Variants in SORCS1 observed in about 807,000 individuals in gnomAD.
SORCS1 encodes the protein VPS10 domain-containing receptor SorCS1.
A neutral mutation model predicts 146.1 loss-of-function variants in SORCS1; 60 were observed. The ratio of observed to expected loss-of-function variants is 0.41; its 90% confidence interval spans 0.33 to 0.51. The LOEUF is 0.51. Among genes scored for constraint, SORCS1 ranks in the 20% least tolerant of loss-of-function variants. The pLI is 0.21. For synonymous variants in SORCS1, 637 were observed against 584.0 expected, an observed-to-expected ratio of 1.09 and a Z score of -1.31; for missense variants, 1,352 against 1,487.6, an observed-to-expected ratio of 0.91 and a Z score of 1.50.
intron 2 of SORCS1, among the ~76,000 whole-genome samples, chr10:106,880,444 C>G (rs1414324136): frequency 6.6e-6 from 1 of 152,074 alleles, no homozygotes; most frequent in Non-Finnish European, 1.5e-5. Context: ...CATTAAAGGG[C>G]CAATTTTCTA....
rs143859123 is a variant in SORCS1 at position 107,135,345 on chromosome 10, T to C, written c.558+28624A>G. On this transcript the variant is annotated intron_variant, in intron 1 of 25. Coordinates refer to ENST00000263054, the MANE Select transcript of SORCS1 (RefSeq NM_052918.5). Reference sequence around the variant, plus strand: ...GCTTTGCACATAGTACATGCAAAATTAAATGCACTGAAGTATAAAAATGGC... The same window carrying C: ...GCTTTGCACATAGTACATGCAAAATCAAATGCACTGAAGTATAAAAATGGC... 2.6e-3 allele frequency among the ~76,000 whole-genome samples: 393 copies of C among 152,340 alleles called. 3 individuals carry two copies. The highest frequency in any genetic ancestry group is 8.9e-3 in the African/African-American group (372 of 41,570).
chr10:106,711,424 T>C (rs906617953), intron 6 of SORCS1, among the ~76,000 whole-genome samples: 2 of 152,170 alleles, frequency 1.3e-5, no homozygotes, highest in Admixed American at 6.5e-5. Flanking sequence ...AGATTTCTCT[T>C]AAGAAAACTA....
chr10:107,120,311 C>A (rs1966317654), intron 1 of SORCS1, among the ~76,000 whole-genome samples: 1 of 152,056 alleles, frequency 6.6e-6, no homozygotes, highest in African/African-American at 2.4e-5. Context: ...ATGCACATAG[C>A]AGGCAGGTAA....
At chr10:106,962,414 AAG>A (rs1724343633) in intron 1 of SORCS1, among the ~76,000 whole-genome samples, 1 of 148,792 alleles carries the variant, frequency 6.7e-6, no homozygotes, top group Non-Finnish European at 1.5e-5. Context: ...AAAAAAAAAA[AAG>A]AAAGAAAAGA....
At chr10:106,598,188 A>T (rs1281123285) in intron 23 of SORCS1, among the ~76,000 whole-genome samples, 1 of 151,252 alleles carries the variant, frequency 6.6e-6, no homozygotes, top group Non-Finnish European at 1.5e-5. Flanking sequence ...TGTCCTTTAT[A>T]ATGTTGAGGA....
At chr10:106,936,018 A>T (rs1170823274) in intron 2 of SORCS1, among the ~76,000 whole-genome samples, 1 of 152,204 alleles carries the variant, frequency 6.6e-6, no homozygotes, top group East Asian at 1.9e-4. Flanking sequence ...TGATTGGAGC[A>T]TATCTGAATG....
At chr10:106,893,053 C>A (rs1272809866) in intron 2 of SORCS1, among the ~76,000 whole-genome samples, 1 of 151,754 alleles carries the variant, frequency 6.6e-6, no homozygotes, top group African/African-American at 2.4e-5. Context: ...CGCCACCACG[C>A]CCAGCTAGTT....
intron 24 of SORCS1, among the ~76,000 whole-genome samples, chr10:106,585,145 A>G (rs923216212): frequency 1.3e-4 from 19 of 151,044 alleles, no homozygotes; most frequent in African/African-American, 4.6e-4. Flanking sequence ...AATGGCATGA[A>G]CCCGGGAGGT....
At chr10:107,039,282 C>T (rs142017404) in intron 1 of SORCS1, among the ~76,000 whole-genome samples, 32 of 145,030 alleles carry the variant, frequency 2.2e-4, no homozygotes, top group African/African-American at 4.3e-4. Flanking sequence ...GAGCGTAGAT[C>T]GCGTCACTGC....
intron 3 of SORCS1, among the ~76,000 whole-genome samples, chr10:106,797,171 T>C (rs1332226328): frequency 6.6e-6 from 1 of 152,148 alleles, no homozygotes; most frequent in African/African-American, 2.4e-5. Context: ...AACCACTTTT[T>C]TACTTATCTT....
At chr10:107,172,972 A>T in the SORCS1 span, among the ~76,000 whole-genome samples, 1 of 152,192 alleles carries the variant, frequency 6.6e-6, no homozygotes, top group Non-Finnish European at 1.5e-5. Context: ...ACCCACATCC[A>T]TAAGACTGTC....
At chr10:107,036,304 G>A (rs1958903085) in intron 1 of SORCS1, among the ~76,000 whole-genome samples, 1 of 152,092 alleles carries the variant, frequency 6.6e-6, no homozygotes, top group Non-Finnish European at 1.5e-5. Flanking sequence ...AATGTAATGT[G>A]TATAGGTTTT....
intron 6 of SORCS1, among the ~76,000 whole-genome samples, chr10:106,711,254 T>C (rs1337514633): frequency 6.6e-6 from 1 of 152,196 alleles, no homozygotes; most frequent in Non-Finnish European, 1.5e-5. Context: ...TTTACTTGTT[T>C]TTGATGCTTA....
At chr10:107,067,145 T>C (rs1961948815) in intron 1 of SORCS1, among the ~76,000 whole-genome samples, 1 of 152,186 alleles carries the variant, frequency 6.6e-6, no homozygotes, top group South Asian at 2.1e-4. Context: ...GGGATTTTGA[T>C]GTCATTTTTC....
chr10:107,003,694 C>T (rs1426632112), intron 1 of SORCS1, among the ~76,000 whole-genome samples: 1 of 152,032 alleles, frequency 6.6e-6, no homozygotes, highest in African/African-American at 2.4e-5. Flanking sequence ...TGGATGGAGT[C>T]TCTGGCCTTG....
At chr10:106,641,009 T>G (rs1481422706) in intron 18 of SORCS1, among the ~76,000 whole-genome samples, 1 of 152,124 alleles carries the variant, frequency 6.6e-6, no homozygotes, top group Non-Finnish European at 1.5e-5. Flanking sequence ...GTGTTCTTCT[T>G]GCATCTGCCA....
intron 1 of SORCS1, among the ~76,000 whole-genome samples, chr10:107,152,481 T>C (rs1433411533): frequency 1.3e-5 from 2 of 152,154 alleles, no homozygotes; most frequent in South Asian, 2.1e-4. Context: ...TGCCAGCCCA[T>C]GTAAGCAGCC....
chr10:106,771,781 G>A (rs2136328431), intron 4 of SORCS1, among the ~76,000 whole-genome samples: 1 of 152,260 alleles, frequency 6.6e-6, no homozygotes. Context: ...GAAGATTTCA[G>A]GGCTTTCCAA....
intron 1 of SORCS1, among the ~76,000 whole-genome samples, chr10:107,000,414 A>C (rs994341986): frequency 1.3e-5 from 2 of 151,684 alleles, no homozygotes; most frequent in Non-Finnish European, 2.9e-5. Context: ...CCTGGCCAGC[A>C]TGGTGAAACC....
Sources: allele counts gnomAD v4.1 joint callset (sites outside exome capture counted in the v4.1 genomes callset), GRCh38; gene constraint gnomAD v4.1.1; transcripts MANE v1.5; gene names NCBI Gene and HGNC (gene_info 2026-07-23, HGNC 2026-07-21).